NFRKB: variants seen among roughly 807,000 people sequenced by gnomAD.
NFRKB encodes nuclear factor related to kappaB binding protein, also known as nuclear factor related to kappa-B-binding protein.
Under a neutral mutation model 135.7 loss-of-function variants are expected in NFRKB, and 62 were observed. That is an observed-to-expected ratio of 0.46 (90% CI 0.37 to 0.56). The LOEUF is 0.56. Among genes scored for constraint, NFRKB ranks in the 20% least tolerant of loss-of-function variants. The pLI, the probability that NFRKB is intolerant of heterozygous loss-of-function variation, is 0.00. For missense variants in NFRKB, 1,545 were observed against 1,662.0 expected (o/e 0.93, Z 1.22); for synonymous variants, 678 against 635.6 (o/e 1.07, Z -1.00).
At chr11:129,879,326 G>A (rs1285257392) in intron 13 of NFRKB, among the ~76,000 whole-genome samples, 1 of 152,094 alleles carries the variant, frequency 6.6e-6, no homozygotes, top group African/African-American at 2.4e-5. Flanking sequence ...AGCTTCAAAC[G>A]CTTATTATCT....
At chr11:129,878,685 T>TG in intron 13 of NFRKB, 142 bp from the exon 14 acceptor site, 1 of 727,820 alleles carries the variant, frequency 1.4e-6, no homozygotes. Flanking sequence ...ATCCACTGCC[T>TG]TCCAGCTGGC....
chr11:129,885,021 G>A (rs1361847543), intron 6 of NFRKB, 175 bp from the exon 7 acceptor site: 24 of 867,062 alleles, frequency 2.8e-5, no homozygotes, highest in East Asian at 2.7e-4. Flanking sequence ...GTCATCTAAC[G>A]GCTCTTCCAG....
chr11:129,892,462 T>C (rs1949602539), intron 3 of NFRKB, among the ~76,000 whole-genome samples: 1 of 152,162 alleles, frequency 6.6e-6, no homozygotes, highest in African/African-American at 2.4e-5. Flanking sequence ...TTGTTAAAAA[T>C]AGGGCTTAAA....
At chr11:129,875,149 C>T (rs1460095247) in intron 18 of NFRKB, among the ~76,000 whole-genome samples, 1 of 152,194 alleles carries the variant, frequency 6.6e-6, no homozygotes, top group African/African-American at 2.4e-5. Flanking sequence ...AAGTAAGTGA[C>T]CAGTCTGCCC....
chr11:129,873,920 C>A lies in NFRKB; in HGVS notation c.2375G>T (p.Arg792Leu), dbSNP rs199620302. Reference protein sequence around the residue: ...QTAPSSQAAARVVSHSGSAGL... With the variant: ...QTAPSSQAAALVVSHSGSAGL... Reference sequence around the variant, plus strand: ...AGCAGAGCCAGAGTGGCTCACGACCCGGGCGGCAGCCTGAGAACTGGGTGC... The same window carrying A: ...AGCAGAGCCAGAGTGGCTCACGACCAGGGCGGCAGCCTGAGAACTGGGTGC... Residue 792 changes from arginine to leucine, a missense_variant, in exon 22 of 27, where the codon CGG becomes CTG. Coordinates refer to ENST00000682444, the MANE Select transcript of NFRKB (RefSeq NM_001143835.2). The A allele has an allele frequency of 5.1e-5, 83 of 1,613,608 alleles. No individual in the cohort carries two copies. Among genetic ancestry groups the A allele is most frequent in the Middle Eastern group, 1.6e-4 (1 of 6,062 alleles).
intron 4 of NFRKB, among the ~76,000 whole-genome samples, chr11:129,886,781 G>A (rs544233819): frequency 2.0e-5 from 3 of 152,196 alleles, no homozygotes; most frequent in Non-Finnish European, 4.4e-5. Context: ...ATACTGTTTC[G>A]GGGGAAACAT....
Position 129,881,428 on chromosome 11 carries a change from A to AT in NFRKB, c.1384+14dup. 4.3e-6 allele frequency: 7 copies of AT among 1,613,852 alleles called. No individual in the cohort carries two copies. Among genetic ancestry groups the AT allele is most frequent in the Non-Finnish European group, 5.9e-6 (7 of 1,179,742 alleles). On this transcript the variant is annotated intron_variant, in intron 13 of 26. Coordinates refer to ENST00000682444, the MANE Select transcript of NFRKB (RefSeq NM_001143835.2). Reference sequence around the variant, plus strand: ...GAACGAAAACCTGTTGGGGTAGGTAATACGGATCACTTACCAAGCAACTTC... The same window carrying AT: ...GAACGAAAACCTGTTGGGGTAGGTAATTACGGATCACTTACCAAGCAACTTC...
intron 17 of NFRKB, 83 bp downstream of exon 17, chr11:129,876,638 G>C: frequency 8.0e-7 from 1 of 1,249,366 alleles, no homozygotes; most frequent in African/African-American, 1.6e-5. Context: ...GGAGGGGTAA[G>C]GAGAGGACAG....
Position 129,874,958 on chromosome 11 carries a change from A to C in NFRKB, c.1855-42T>G. On this transcript the variant is annotated intron_variant, in intron 18 of 26. Coordinates refer to ENST00000682444, the MANE Select transcript of NFRKB (RefSeq NM_001143835.2). The surrounding 1 kb of genome is among the most constrained non-coding windows in gnomAD (Gnocchi z 4.5). The stretch of plus-strand genomic sequence containing the variant: ...GGGAAATAAGAAACAAGTCAAGCTT[A>C]GATAACAGAAGTTATTTGAACTCTA... 6.2e-7 allele frequency: 1 copy of C among 1,610,682 alleles called. No individual in the cohort carries two copies. Among genetic ancestry groups the C allele is most frequent in the East Asian group, 2.2e-5 (1 of 44,828 alleles).
chr11:129,888,934 G>A (rs1282763252), intron 3 of NFRKB, 139 bp from the exon 4 acceptor site: 2 of 615,526 alleles, frequency 3.2e-6, no homozygotes, highest in Admixed American at 3.1e-5. Flanking sequence ...GTGGCCTTAA[G>A]TGCATTCACA....
chr11:129,876,240 A>T (rs1281365178), intron 17 of NFRKB, among the ~76,000 whole-genome samples: 1 of 152,234 alleles, frequency 6.6e-6, no homozygotes, highest in Non-Finnish European at 1.5e-5. Flanking sequence ...GTCATATAAC[A>T]TCATAGTAAC....
intron 2 of NFRKB, chr11:129,894,097 C>G (rs1013734945): frequency 6.6e-6 from 1 of 152,206 alleles, no homozygotes; most frequent in Non-Finnish European, 1.5e-5. Context: ...CTTCAGAAAA[C>G]TACATACCAC....
intron 23 of NFRKB, among the ~76,000 whole-genome samples, chr11:129,871,193 T>C (rs1271053715): frequency 6.6e-6 from 1 of 152,228 alleles, no homozygotes; most frequent in Non-Finnish European, 1.5e-5. Flanking sequence ...ATAGCTTCTA[T>C]ACTGTATTGG....
chr11:129,874,996 C>T lies in NFRKB; in HGVS notation c.1855-80G>A, dbSNP rs780104992. 1.0e-4 allele frequency: 163 copies of T among 1,558,160 alleles called. No homozygotes were observed. The highest frequency in any genetic ancestry group is 1.4e-4 in the Non-Finnish European group (157 of 1,135,872). ...TATTTGAACTCTAGGAAAAAAATGT[C>T]ATTGTATCTAAATCACAGCTGATGC... On this transcript the variant is annotated intron_variant, in intron 18 of 26. Transcript: ENST00000682444. The surrounding 1 kb of genome is among the most constrained non-coding windows in gnomAD (Gnocchi z 4.5).
Position 129,874,013 on chromosome 11 carries a change from A to C in NFRKB, c.2282T>G (p.Val761Gly). The C allele has an allele frequency of 6.2e-7, 1 of 1,611,912 alleles. No homozygotes were observed. Among genetic ancestry groups the C allele is most frequent in the Non-Finnish European group, 8.5e-7 (1 of 1,178,752 alleles). The stretch of plus-strand genomic sequence containing the variant: ...CATTGTTGGTGAAGACACCAGAAGA[A>C]CACTATGAAGAACATCGGGGAAAGA... Reference protein sequence around the residue: ...VSEPAKSSSGVLLVSSPTMPH... With the variant: ...VSEPAKSSSGGLLVSSPTMPH... The change falls in exon 22 of 27, where the codon GTT becomes GGT. Residue 761 changes from valine to glycine, a missense_variant and splice_region_variant. Coordinates refer to ENST00000682444, the MANE Select transcript of NFRKB (RefSeq NM_001143835.2). The surrounding 1 kb of genome is among the most constrained non-coding windows in gnomAD (Gnocchi z 4.5).
chr11:129,890,192 C>G (rs1462230815), intron 3 of NFRKB, among the ~76,000 whole-genome samples: 1 of 151,972 alleles, frequency 6.6e-6, no homozygotes, highest in Non-Finnish European at 1.5e-5. Flanking sequence ...TAAAGGGTTT[C>G]AGCAGGAAAC....
chr11:129,869,218 C>G (rs1565389689), intron 24 of NFRKB, among the ~76,000 whole-genome samples: 2 of 152,104 alleles, frequency 1.3e-5, no homozygotes, highest in Non-Finnish European at 2.9e-5. Flanking sequence ...CTGTTCTTTA[C>G]CATTTGAAAA....
intron 23 of NFRKB, among the ~76,000 whole-genome samples, chr11:129,871,561 TG>T (rs1466043174): frequency 2.0e-5 from 3 of 152,164 alleles, no homozygotes; most frequent in Admixed American, 6.5e-5. Context: ...AAGCCATGGA[TG>T]GGGTAAGTCT....
intron 7 of NFRKB, 42 bp downstream of exon 7, chr11:129,884,703 C>T (rs373905173): frequency 1.9e-5 from 30 of 1,608,814 alleles, no homozygotes; most frequent in South Asian, 5.5e-5. Context: ...AGGTCTCCAC[C>T]GCAATGTCCC....
Sources: gnomAD v4.1 joint callset for allele counts (sites outside exome capture counted in the v4.1 genomes callset) on GRCh38, gnomAD v4.1.1 for gene constraint, Gnocchi (gnomAD v3.1) non-coding constraint, MANE v1.5 for transcripts, NCBI Gene and HGNC (gene_info 2026-07-23, HGNC 2026-07-21) for gene names.